Variants in WIZ observed in about 807,000 individuals in gnomAD.
The protein encoded by WIZ is protein Wiz.
WIZ carries 25 observed loss-of-function variants against 140.2 expected under a neutral mutation model. That is an observed-to-expected ratio of 0.18 (90% CI 0.13 to 0.25). The LOEUF is 0.25. WIZ is among the 10% of genes least tolerant of loss of function. The probability of loss-of-function intolerance (pLI) is 1.00; values close to 1 mark genes in which losing one functional copy is unlikely to be tolerated. For synonymous variants in WIZ, 1,125 were observed against 1,154.3 expected (o/e 0.97, Z 0.51); for missense variants, 2,231 against 2,632.6 (o/e 0.85, Z 3.34).
chr19:15,449,655 C>T (rs1970050484), intron 1 of WIZ, 143 bp downstream of exon 1: 1 of 148,216 alleles, frequency 6.7e-6, no homozygotes, highest in Admixed American at 6.7e-5. Flanking sequence ...ACGGCCCCGC[C>T]CCCGGCCAGG....
At position 15,427,584 on chromosome 19, in the gene WIZ, G is replaced by A. The variant is rs1486877867; in HGVS notation, c.3815-51C>T. The A allele has an allele frequency of 6.4e-7, 1 of 1,554,466 alleles. No individual in the cohort carries two copies. Among genetic ancestry groups the A allele is most frequent in the Non-Finnish European group, 8.7e-7 (1 of 1,150,620 alleles). Reference sequence around the variant, plus strand: ...TTAGCATCGTGGAACTGCCAGCATGGTCACCTGCAGGAGTGTCCTGGTCGG... The same window carrying A: ...TTAGCATCGTGGAACTGCCAGCATGATCACCTGCAGGAGTGTCCTGGTCGG... On this transcript the variant is annotated intron_variant, in intron 8 of 12. Coordinates refer to ENST00000673675, the MANE Select transcript of WIZ (RefSeq NM_001371589.1). The surrounding 1 kb of genome is among the most constrained non-coding windows in gnomAD (Gnocchi z 6.4).
rs1408604279 is a variant in WIZ, at chr19:15,424,616, T to A, written c.5311A>T (p.Asn1771Tyr). Residue 1771 changes from asparagine (N) to tyrosine (Y), a missense_variant, in exon 11 of 13, where the codon AAC (asparagine) becomes TAC (tyrosine). Asn to Tyr is a moderately radical substitution (Grantham distance 143, BLOSUM62 -2). Around this residue, in one of 15 missense-constraint regions of WIZ, gnomAD observed 299 missense variants for 309.6 expected, o/e 0.97. Transcript: ENST00000673675. The surrounding 1 kb of genome is among the most constrained non-coding windows in gnomAD (Gnocchi z 9.7). ...CCCTCCTCCACCAAGCACTCACTGT[T>A]GATGTTCTGCCGCTGGTGCTCCTCA... is the stretch of plus-strand genomic sequence containing the variant. ...KAEEHQRQNI[N>Y]KFERRQARPP... 38 of 1,590,982 alleles carry A rather than the reference T, an allele frequency of 2.4e-5. No homozygotes were observed. Among genetic ancestry groups the A allele is most frequent in the Non-Finnish European group, 3.0e-5 (35 of 1,177,214 alleles).
chr19:15,434,564 A>G (rs956171536), intron 5 of WIZ, among the ~76,000 whole-genome samples: 17 of 143,654 alleles, frequency 1.2e-4, no homozygotes, highest in Non-Finnish European at 2.3e-4. Context: ...CTCCATCTCA[A>G]GACAGAGCGA....
rs762401033 is a variant in WIZ at position 15,440,358 on chromosome 19, G to A, written c.636C>T (p.Leu212=). The part of the protein sequence containing the change: ...HLDLPAQPPP[L]APFRRVFVPV... ...GCACAAACACCCTCCTGAAGGGGGC[G>A]AGGGGTGGCGGCTGGGCAGGCAGGT... Residue 212 remains leucine, a synonymous_variant, in exon 4 of 13, where the codon CTC becomes CTT. Coordinates refer to ENST00000673675, the MANE Select transcript of WIZ (RefSeq NM_001371589.1). This position sits in a 1 kb window ranked among gnomAD's most constrained non-coding sequence, Gnocchi z 6.2. 1.3e-5 allele frequency: 20 copies of A among 1,530,864 alleles called. No individual in the cohort carries two copies. The highest frequency in any genetic ancestry group is 1.1e-5 in the Non-Finnish European group (13 of 1,143,172). 94.8% of individuals were successfully genotyped at this position (1,530,864 alleles called of 1,614,324 possible). A position where few individuals can be genotyped will look rare whatever the true frequency, so the allele number is the denominator to read the frequency against.
rs1412832633 is a variant in WIZ at position 15,428,100 on chromosome 19, G to A, written c.3814+10C>T. ...GCAGTGAGGAGGGGGCAGCTGAAGC[G>A]AGAACCTACAGAGGTTGAGAGGAGA... On this transcript the variant is annotated intron_variant, in intron 8 of 12. Transcript: ENST00000673675. The surrounding 1 kb of genome is among the most constrained non-coding windows in gnomAD (Gnocchi z 6.4). 8 of 1,533,356 alleles carry A rather than the reference G, an allele frequency of 5.2e-6. No homozygotes were observed. Among genetic ancestry groups the A allele is most frequent in the African/African-American group, 1.4e-5 (1 of 72,940 alleles). The allele number at this position is 1,533,356 out of a possible 1,614,324, so 95.0% of individuals were successfully genotyped here.
In WIZ at chr19:15,422,507, G is replaced by C. The variant is rs2145181835; in HGVS notation, c.*569C>G. On this transcript the variant is annotated 3_prime_UTR_variant, in exon 13 of 13. Coordinates refer to ENST00000673675, the MANE Select transcript of WIZ (RefSeq NM_001371589.1). ...TTCCGTGGCATTGTGGGCTCAGTGG[G>C]GGGCTCCCAGGCCCCAGCAGGCCCC... 1 of 152,368 alleles carries C rather than the reference G, an allele frequency of 6.6e-6. No individual in the cohort carries two copies. Among genetic ancestry groups the C allele is most frequent in the South Asian group, 2.1e-4 (1 of 4,828 alleles). 9.4% of individuals were successfully genotyped at this position (152,368 alleles called of 1,614,324 possible). A position where few individuals can be genotyped will look rare whatever the true frequency, so the allele number is the denominator to read the frequency against.
In WIZ at chr19:15,439,119, ATCC is replaced by A. The variant is rs753448130; in HGVS notation, c.1872_1874del (p.Glu624del). 542 of 1,456,214 alleles carry A rather than the reference ATCC, an allele frequency of 3.7e-4. 1 individual carries two copies. Among genetic ancestry groups the A allele is most frequent in the South Asian group, 1.2e-3 (87 of 74,694 alleles). The allele number at this position is 1,456,214 out of a possible 1,614,324, so 90.2% of individuals were successfully genotyped here. ...AATCCATCTCGGAGGTCAGCACTAC[ATCC>A]TCCTCCTCCTCCTCCTCCTCCTCCT... On this transcript the variant is annotated inframe_deletion, in exon 4 of 13. Transcript: ENST00000673675. This position sits in a 1 kb window ranked among gnomAD's most constrained non-coding sequence, Gnocchi z 7.0.
At position 15,424,164 on chromosome 19, in the gene WIZ, TC is replaced by T; in HGVS notation, c.5510+18del. On this transcript the variant is annotated intron_variant, in intron 12 of 12. Transcript: ENST00000673675. This position sits in a 1 kb window ranked among gnomAD's most constrained non-coding sequence, Gnocchi z 9.7. Reference sequence around the variant, plus strand: ...GGTCCACTCAGGTGGTCTCCCTCCCTCCCCCAGGGGCAGCCTACCTGCATTT... The same window carrying T: ...GGTCCACTCAGGTGGTCTCCCTCCCTCCCCAGGGGCAGCCTACCTGCATTT... 1 of 1,485,574 alleles carries T rather than the reference TC, an allele frequency of 6.7e-7. No individual in the cohort carries two copies. Among genetic ancestry groups the T allele is most frequent in the Non-Finnish European group, 8.9e-7 (1 of 1,118,420 alleles). 92.0% of individuals were successfully genotyped at this position (1,485,574 alleles called of 1,614,324 possible). A position where few individuals can be genotyped will look rare whatever the true frequency, so the allele number is the denominator to read the frequency against.
intron 5 of WIZ, chr19:15,432,523 G>A (rs1238824185): frequency 2.2e-6 from 2 of 902,334 alleles, no homozygotes; most frequent in East Asian, 1.2e-4. Flanking sequence ...CGGTGGTGGT[G>A]GCGGCGGCGG....
At chr19:15,448,529 C>G (rs1268291582) in intron 1 of WIZ, among the ~76,000 whole-genome samples, 162 bp from the exon 2 acceptor site, 4 of 152,096 alleles carry the variant, frequency 2.6e-5, no homozygotes, top group Non-Finnish European at 5.9e-5. Context: ...CACACACCTT[C>G]TATCCCAATG....
At position 15,421,551 on chromosome 19, in the gene WIZ, C is replaced by CA. The variant is rs1480389081; in HGVS notation, c.*1524dup. The CA allele has an allele frequency of 6.6e-6, 1 of 152,262 alleles. No homozygotes were observed. Among genetic ancestry groups the CA allele is most frequent in the African/African-American group, 2.4e-5 (1 of 41,466 alleles). 9.4% of individuals were successfully genotyped at this position (152,262 alleles called of 1,614,324 possible). A position where few individuals can be genotyped will look rare whatever the true frequency, so the allele number is the denominator to read the frequency against. On this transcript the variant is annotated 3_prime_UTR_variant, in exon 13 of 13. Transcript: ENST00000673675. ...CAGCCAACAAAATCTCTTAAAATCTCAGAAATGTTCAATAAACATTTGCAG... is the reference window on the plus strand; with the variant it reads ...CAGCCAACAAAATCTCTTAAAATCTCAAGAAATGTTCAATAAACATTTGCAG...
intron 5 of WIZ, among the ~76,000 whole-genome samples, chr19:15,432,003 G>A (rs1006489489): frequency 3.3e-5 from 5 of 152,322 alleles, no homozygotes; most frequent in South Asian, 2.1e-4. Flanking sequence ...GGGATGTAAC[G>A]GGGCAGGGGG....
In WIZ at chr19:15,428,226, T is replaced by G; in HGVS notation, c.3698A>C (p.Lys1233Thr). 6.5e-7 allele frequency: 1 copy of G among 1,532,340 alleles called. No individual in the cohort carries two copies. Among genetic ancestry groups the G allele is most frequent in the Non-Finnish European group, 8.7e-7 (1 of 1,145,790 alleles). 94.9% of individuals were successfully genotyped at this position (1,532,340 alleles called of 1,614,324 possible). A position where few individuals can be genotyped will look rare whatever the true frequency, so the allele number is the denominator to read the frequency against. Reference sequence around the variant, plus strand: ...CATACCCGCGGCCTTCAGCTTGGCCTTCTTGGCCGGCGGTGGGGGGGGAAG... The same window carrying G: ...CATACCCGCGGCCTTCAGCTTGGCCGTCTTGGCCGGCGGTGGGGGGGGAAG... ...SLLPPPPPAKKAKLKAAGMAS... is the reference protein window; with the variant it reads ...SLLPPPPPAKTAKLKAAGMAS... The change falls in exon 8 of 13, where the codon AAG (lysine) becomes ACG (threonine). Residue 1233 changes from lysine to threonine, a missense_variant. Lys to Thr is a moderately conservative substitution (Grantham distance 78). Around this residue, in one of 15 missense-constraint regions of WIZ, gnomAD observed 141 missense variants for 161.2 expected, o/e 0.87. Coordinates refer to ENST00000673675, the MANE Select transcript of WIZ (RefSeq NM_001371589.1). This position sits in a 1 kb window ranked among gnomAD's most constrained non-coding sequence, Gnocchi z 6.4.
Position 15,425,267 on chromosome 19 carries a change from G to C in WIZ, c.4868C>G (p.Thr1623Ser). ...IQTELPFKAKTLHEKTSHSST... is the reference protein window; with the variant it reads ...IQTELPFKAKSLHEKTSHSST... The stretch of plus-strand genomic sequence containing the variant: ...GGAGTGGGAGGTCTTCTCATGAAGG[G>C]TCTTTGCCTTGAAGGGCAGTTCAGT... Residue 1623 changes from threonine (T) to serine (S), a missense_variant, in exon 10 of 13, where the codon ACC becomes AGC. By Grantham distance (58) the Thr-to-Ser change is moderately conservative. Transcript: ENST00000673675. The C allele has an allele frequency of 6.3e-7, 1 of 1,590,126 alleles. No individual in the cohort carries two copies. Among genetic ancestry groups the C allele is most frequent in the Non-Finnish European group, 8.6e-7 (1 of 1,169,092 alleles).
rs758570754 is a variant in WIZ, at chr19:15,429,866, C to T, written c.3135G>A (p.Glu1045=). ...GLAKKSSSLK[E]VVAGAPRPGL... ...CGGGCCGGGGGGCCCCGGCGACCAC[C>T]TCCTTCAGTGAGCTGGACTTCTTAG... The change falls in exon 7 of 13, where the codon GAG becomes GAA. Residue 1045 remains glutamate (E), a synonymous_variant. Coordinates refer to ENST00000673675, the MANE Select transcript of WIZ (RefSeq NM_001371589.1). 2.9e-5 allele frequency: 44 copies of T among 1,532,564 alleles called. No homozygotes were observed. In the Admixed American group the frequency reaches 4.1e-4, roughly 14 times the overall value. 94.9% of individuals were successfully genotyped at this position (1,532,564 alleles called of 1,614,324 possible). A position where few individuals can be genotyped will look rare whatever the true frequency, so the allele number is the denominator to read the frequency against.
At position 15,429,648 on chromosome 19, in the gene WIZ, G is replaced by A; in HGVS notation, c.3353C>T (p.Pro1118Leu). 7.0e-7 allele frequency: 1 copy of A among 1,419,856 alleles called. No individual in the cohort carries two copies. The highest frequency in any genetic ancestry group is 9.2e-7 in the Non-Finnish European group (1 of 1,089,938). 88.0% of individuals were successfully genotyped at this position (1,419,856 alleles called of 1,614,324 possible). The part of the protein sequence containing the change: ...EDKSPQLSLS[P>L]RPASPKAQWP... The stretch of plus-strand genomic sequence containing the variant: ...CTGTGCCTTTGGGGAGGCCGGCCGG[G>A]GGCTCAGGGACAGCTGGGGGCTCTT... The change falls in exon 7 of 13, where the codon CCC becomes CTC. Residue 1118 changes from proline to leucine, a missense_variant. Pro to Leu is a moderately conservative substitution (Grantham distance 98). Around this residue, in one of 15 missense-constraint regions of WIZ, gnomAD observed 163 missense variants for 166.8 expected, o/e 0.98. Transcript: ENST00000673675.
Position 15,429,807 on chromosome 19 carries a change from G to A in WIZ, c.3194C>T (p.Pro1065Leu), listed in dbSNP as rs1485107974. Residue 1065 changes from proline (P) to leucine (L), a missense_variant, in exon 7 of 13, where the codon CCT (proline) becomes CTT (leucine). Pro to Leu is a moderately conservative substitution (Grantham distance 98, BLOSUM62 -3). Transcript: ENST00000673675. ...CGACTTGATGGCTTTGTTGACAGCA[G>A]GGGCATCCAAGGGCTTGGCCAGGCT... ...LLSLAKPLDA[P>L]AVNKAIKSPP... 3 of 1,526,538 alleles carry A rather than the reference G, an allele frequency of 2.0e-6. No individual in the cohort carries two copies. The highest frequency in any genetic ancestry group is 2.5e-5 in the East Asian group (1 of 40,658). 94.6% of individuals were successfully genotyped at this position (1,526,538 alleles called of 1,614,324 possible). A position where few individuals can be genotyped will look rare whatever the true frequency, so the allele number is the denominator to read the frequency against.
In WIZ at chr19:15,428,242, G is replaced by T. The variant is rs915328993; in HGVS notation, c.3682C>A (p.Pro1228Thr). 6.5e-6 allele frequency: 10 copies of T among 1,531,174 alleles called. No individual in the cohort carries two copies. The East Asian group carries it at 7.3e-5, about 11-fold the overall frequency. The allele number at this position is 1,531,174 out of a possible 1,614,324, so 94.8% of individuals were successfully genotyped here. The change falls in exon 8 of 13, where the codon CCA becomes ACA. Residue 1228 changes from proline to threonine, a missense_variant. Transcript: ENST00000673675. This position sits in a 1 kb window ranked among gnomAD's most constrained non-coding sequence, Gnocchi z 6.4. ...AGCTTGGCCTTCTTGGCCGGCGGTGGGGGGGGAAGCAAGGAGAGGGCCGCG... is the reference window on the plus strand; with the variant it reads ...AGCTTGGCCTTCTTGGCCGGCGGTGTGGGGGGAAGCAAGGAGAGGGCCGCG... ...TSAALSLLPP[P>T]PPAKKAKLKA...
rs1468716095 is a variant in WIZ at position 15,446,101 on chromosome 19, C to G, written c.205+2002G>C. On this transcript the variant is annotated intron_variant, in intron 2 of 12. Coordinates refer to ENST00000673675, the MANE Select transcript of WIZ (RefSeq NM_001371589.1). ...CCAAGTCAAGCCATTCCTATCCCTG[C>G]CCCCAGCTGCTGAGGGAAACCTTCA... 3.9e-5 allele frequency among the ~76,000 whole-genome samples: 6 copies of G among 152,180 alleles called. No individual in the cohort carries two copies. The East Asian group carries it at 1.2e-3, about 29-fold the overall frequency.
Sources: allele counts gnomAD v4.1 joint callset (sites outside exome capture counted in the v4.1 genomes callset), GRCh38; gene constraint gnomAD v4.1.1; regional missense constraint gnomAD v4.1.1; non-coding constraint Gnocchi (gnomAD v3.1); transcripts MANE v1.5; gene names NCBI Gene and HGNC (gene_info 2026-07-23, HGNC 2026-07-21).